NELL1: variants seen among roughly 807,000 people sequenced by gnomAD.
The protein encoded by NELL1 is neural EGFL like 1, also known as protein kinase C-binding protein NELL1.
In NELL1, 76 loss-of-function variants were observed where a neutral mutation model predicts 107.4. The observed-to-expected ratio is 0.71, with a 90% CI of 0.59 to 0.86. NELL1 has a LOEUF of 0.86. Ranked by LOEUF, NELL1 falls within the 40% of genes least tolerant of loss-of-function variation. The pLI is 0.00. For missense variants in NELL1, 1,024 were observed against 1,005.5 expected (o/e 1.02, Z -0.25); for synonymous variants, 353 against 341.2 (o/e 1.03, Z -0.38).
intron 3 of NELL1, among the ~76,000 whole-genome samples, chr11:20,834,646 T>G (rs1201390406): frequency 4.6e-5 from 7 of 150,994 alleles, no homozygotes; most frequent in Non-Finnish European, 8.9e-5. Context: ...GAGTTTGCAG[T>G]GAGCTGAGAT....
intron 4 of NELL1, among the ~76,000 whole-genome samples, chr11:20,864,701 A>G (rs1242997788): frequency 1.3e-5 from 2 of 152,232 alleles, no homozygotes; most frequent in African/African-American, 2.4e-5. Flanking sequence ...TTCCTTATAC[A>G]TAAAGGGCCA....
chr11:20,935,789 A>C (rs984348776), intron 9 of NELL1: 12 of 152,390 alleles, frequency 7.9e-5, no homozygotes, highest in African/African-American at 2.9e-4. Context: ...AATGGAGAGG[A>C]GGAGGTTGAC....
chr11:21,050,883 T>G (rs1019624476), intron 12 of NELL1, among the ~76,000 whole-genome samples: 2 of 152,108 alleles, frequency 1.3e-5, no homozygotes, highest in African/African-American at 4.8e-5. Flanking sequence ...GGCTACTTCT[T>G]ACAATTCCTC....
chr11:20,742,181 G>A (rs1855906893), intron 2 of NELL1, among the ~76,000 whole-genome samples: 1 of 152,142 alleles, frequency 6.6e-6, no homozygotes, highest in Non-Finnish European at 1.5e-5. Context: ...TTACACCTAG[G>A]CATCAGCCAG....
At chr11:21,163,252 G>T (rs1448599740) in intron 13 of NELL1, among the ~76,000 whole-genome samples, 1 of 152,164 alleles carries the variant, frequency 6.6e-6, no homozygotes, top group Non-Finnish European at 1.5e-5. Context: ...TCATAATGGG[G>T]TTTACCACTG....
intron 2 of NELL1, among the ~76,000 whole-genome samples, chr11:20,717,441 T>C (rs1316107045): frequency 6.6e-6 from 1 of 152,104 alleles, no homozygotes; most frequent in Non-Finnish European, 1.5e-5. Context: ...GACCTCTTTG[T>C]CTTTACACAG....
At chr11:20,807,273 TA>T (rs2134009045) in intron 3 of NELL1, among the ~76,000 whole-genome samples, 1 of 152,362 alleles carries the variant, frequency 6.6e-6, no homozygotes, top group African/African-American at 2.4e-5. Flanking sequence ...GGAGGCACCC[TA>T]AACACAGTAA....
chr11:21,154,385 T>C (rs927035406), intron 13 of NELL1, among the ~76,000 whole-genome samples: 1 of 152,196 alleles, frequency 6.6e-6, no homozygotes, highest in Non-Finnish European at 1.5e-5. Flanking sequence ...GAAATCTATA[T>C]ATGCAACTAT....
At chr11:20,966,760 G>A (rs1037513984) in intron 12 of NELL1, among the ~76,000 whole-genome samples, 3 of 152,054 alleles carry the variant, frequency 2.0e-5, no homozygotes, top group Admixed American at 2.0e-4. Flanking sequence ...TTATTTCCTA[G>A]GCTACTTAGC....
At chr11:20,868,054 G>C (rs147055585) in intron 4 of NELL1, among the ~76,000 whole-genome samples, 6 of 152,228 alleles carry the variant, frequency 3.9e-5, no homozygotes, top group Non-Finnish European at 7.4e-5. Context: ...GTGTGTCAGG[G>C]GTTTACATAT....
At chr11:21,506,023 A>T (rs1428323858) in intron 15 of NELL1, among the ~76,000 whole-genome samples, 1 of 152,224 alleles carries the variant, frequency 6.6e-6, no homozygotes, top group Non-Finnish European at 1.5e-5. Context: ...TCATAATATG[A>T]TACCCTAATG....
In NELL1 at chr11:21,084,784, G is replaced by A. The variant is rs533088413; in HGVS notation, c.1301-28805G>A. On this transcript the variant is annotated intron_variant, in intron 12 of 19. Coordinates refer to ENST00000357134, the MANE Select transcript of NELL1 (RefSeq NM_006157.5). ...TTCTACCCCCTCTCACAATACTATA[G>A]TTGGGAGAGCTTAGTGGCAAGCTGT... is the stretch of plus-strand genomic sequence containing the variant. Among the ~76,000 whole-genome samples the A allele has an allele frequency of 4.6e-5, 7 of 152,264 alleles. No individual in the cohort carries two copies. In the South Asian group the frequency reaches 1.5e-3, roughly 32 times the overall value.
intron 12 of NELL1, among the ~76,000 whole-genome samples, chr11:21,014,475 G>A (rs1483346096): frequency 1.3e-5 from 2 of 152,064 alleles, no homozygotes; most frequent in East Asian, 3.9e-4. Context: ...GCATTCCTCA[G>A]AGAGTCTGAA....
At chr11:20,729,984 GC>G (rs1855594879) in intron 2 of NELL1, among the ~76,000 whole-genome samples, 1 of 152,146 alleles carries the variant, frequency 6.6e-6, no homozygotes, top group Admixed American at 6.5e-5. Flanking sequence ...ATTGGCTGTA[GC>G]TTCGAAATGT....
chr11:21,289,227 G>A (rs565538732), intron 14 of NELL1, among the ~76,000 whole-genome samples: 3 of 152,174 alleles, frequency 2.0e-5, no homozygotes, highest in Non-Finnish European at 1.5e-5. Context: ...GGGCAAGATG[G>A]CCCAATAAAA....
At chr11:21,545,209 A>G (rs1307076114) in intron 16 of NELL1, among the ~76,000 whole-genome samples, 1 of 151,664 alleles carries the variant, frequency 6.6e-6, no homozygotes, top group East Asian at 2.0e-4. Context: ...GCTAATCTCT[A>G]TTTTTTAAAA....
At chr11:21,283,449 C>G (rs1849042385) in intron 14 of NELL1, among the ~76,000 whole-genome samples, 1 of 152,188 alleles carries the variant, frequency 6.6e-6, no homozygotes, top group African/African-American at 2.4e-5. Flanking sequence ...TTGTACCCTC[C>G]ACTCAATTTC....
intron 15 of NELL1, among the ~76,000 whole-genome samples, chr11:21,446,382 G>A (rs1480216419): frequency 6.6e-6 from 1 of 151,352 alleles, no homozygotes; most frequent in Admixed American, 6.6e-5. Flanking sequence ...TGTTTTCCTG[G>A]ACCATTTTAT....
At chr11:21,507,826 G>A (rs1368784759) in intron 15 of NELL1, among the ~76,000 whole-genome samples, 2 of 151,230 alleles carry the variant, frequency 1.3e-5, no homozygotes, top group Non-Finnish European at 2.9e-5. Flanking sequence ...CTGTCACCAG[G>A]CTGGAGTGCG....
Sources: allele counts gnomAD v4.1 joint callset (sites outside exome capture counted in the v4.1 genomes callset), GRCh38; gene constraint gnomAD v4.1.1; transcripts MANE v1.5; gene names NCBI Gene and HGNC (gene_info 2026-07-23, HGNC 2026-07-21).